Variants in SPATA13 observed in about 807,000 individuals in gnomAD.
The protein encoded by SPATA13 is spermatogenesis-associated protein 13.
Under a neutral mutation model 104.0 loss-of-function variants are expected in SPATA13, and 50 were observed. The ratio of observed to expected loss-of-function variants is 0.48; its 90% confidence interval spans 0.38 to 0.61. The LOEUF is 0.61. Among genes scored for constraint, SPATA13 ranks in the 20% least tolerant of loss-of-function variants. The probability of loss-of-function intolerance (pLI) is 0.00; values close to 1 mark genes in which losing one functional copy is unlikely to be tolerated. For missense variants in SPATA13, 1,524 were observed against 1,690.6 expected (o/e 0.90, Z 1.73); for synonymous variants, 606 against 667.5 (o/e 0.91, Z 1.42).
chr13:24,055,499 T>A (rs1044166404), intron 3 of SPATA13, among the ~76,000 whole-genome samples: 31 of 152,332 alleles, frequency 2.0e-4, no homozygotes, highest in African/African-American at 7.2e-4. Context: ...TGCAGAGGTC[T>A]TAGAACAGTG....
At chr13:24,091,382 A>C (rs1879906812) in intron 3 of SPATA13, among the ~76,000 whole-genome samples, 1 of 152,244 alleles carries the variant, frequency 6.6e-6, no homozygotes, top group South Asian at 2.1e-4. Flanking sequence ...TGTTAGCCCC[A>C]TCTGGTATCA....
chr13:24,046,431 C>T (rs949642455), intron 3 of SPATA13, among the ~76,000 whole-genome samples: 2 of 151,500 alleles, frequency 1.3e-5, no homozygotes, highest in Non-Finnish European at 2.9e-5. Context: ...GTAGCTAGGA[C>T]ACACTGCCAC....
intron 3 of SPATA13, among the ~76,000 whole-genome samples, chr13:24,150,524 G>A (rs1882067575): frequency 6.6e-6 from 1 of 152,194 alleles, no homozygotes; most frequent in Non-Finnish European, 1.5e-5. Context: ...AAACCTATAG[G>A]AAGTATAGAG....
At chr13:24,174,550 T>C (rs1364988448) in intron 1 of SPATA13, among the ~76,000 whole-genome samples, 1 of 152,082 alleles carries the variant, frequency 6.6e-6, no homozygotes, top group Non-Finnish European at 1.5e-5. Flanking sequence ...GTTAAATATA[T>C]GATTAAAAAT....
At chr13:24,220,171 C>T (rs536597220) in intron 1 of SPATA13, among the ~76,000 whole-genome samples, 1 of 152,288 alleles carries the variant, frequency 6.6e-6, no homozygotes, top group East Asian at 1.9e-4. Context: ...GGTACCTCTT[C>T]CTCTGTAGAC....
At chr13:24,066,652 C>A (rs1878974682) in intron 3 of SPATA13, among the ~76,000 whole-genome samples, 1 of 152,198 alleles carries the variant, frequency 6.6e-6, no homozygotes, top group Non-Finnish European at 1.5e-5. Context: ...CCCCTGCCTT[C>A]ATGGGCCAGG....
rs773814792 is a variant in SPATA13, at chr13:24,224,019, C to T, written c.1090C>T (p.Arg364Cys). The T allele has an allele frequency of 1.7e-5, 26 of 1,548,788 alleles. No individual in the cohort carries two copies. Among genetic ancestry groups the T allele is most frequent in the African/African-American group, 9.6e-5 (7 of 72,996 alleles). ...HSRLHDDYSR[R>C]VSRSTEQDSR... is the part of the protein sequence containing the mutation. ...CCGGCTGCATGACGACTACTCCCGCCGCGTCTCCAGGAGCACTGAGCAGGA... is the reference window on the plus strand; with the variant it reads ...CCGGCTGCATGACGACTACTCCCGCTGCGTCTCCAGGAGCACTGAGCAGGA... The change falls in exon 2 of 13, where the codon CGC becomes TGC. Residue 364 changes from arginine to cysteine, a missense_variant. Coordinates refer to ENST00000382108, the MANE Select transcript of SPATA13 (RefSeq NM_001166271.3).
chr13:24,301,863 G>A (rs1237680813), intron 12 of SPATA13, among the ~76,000 whole-genome samples: 1 of 152,180 alleles, frequency 6.6e-6, no homozygotes, highest in Non-Finnish European at 1.5e-5. Flanking sequence ...GATATTGAGG[G>A]CACAGTTCTA....
At chr13:24,180,758 A>T (rs1309638289) in intron 1 of SPATA13, among the ~76,000 whole-genome samples, 1 of 152,198 alleles carries the variant, frequency 6.6e-6, no homozygotes, top group Non-Finnish European at 1.5e-5. Flanking sequence ...GATAGTTTTC[A>T]TAATTTTTTT....
chr13:24,296,131 G>C (rs1044549665), intron 10 of SPATA13, among the ~76,000 whole-genome samples: 2 of 152,202 alleles, frequency 1.3e-5, no homozygotes, highest in Non-Finnish European at 2.9e-5. Flanking sequence ...ACTGAAATAG[G>C]CTATAGGTGG....
chr13:24,101,303 C>T (rs530417618), intron 3 of SPATA13, among the ~76,000 whole-genome samples: 8 of 152,254 alleles, frequency 5.3e-5, no homozygotes, highest in African/African-American at 1.9e-4. Context: ...CATGAACATT[C>T]GCTATGTTGG....
chr13:24,035,485 T>C (rs1282563577), intron 3 of SPATA13, among the ~76,000 whole-genome samples: 1 of 152,202 alleles, frequency 6.6e-6, no homozygotes, highest in Non-Finnish European at 1.5e-5. Flanking sequence ...TGGTTGAGCT[T>C]TGGCCATGGA....
At chr13:24,039,148 C>G (rs1877822931) in intron 3 of SPATA13, among the ~76,000 whole-genome samples, 1 of 152,260 alleles carries the variant, frequency 6.6e-6, no homozygotes. Context: ...CTTCTCTGCT[C>G]TGTGCACACA....
chr13:24,136,765 A>G (rs1167864135), intron 3 of SPATA13, among the ~76,000 whole-genome samples: 2 of 152,222 alleles, frequency 1.3e-5, no homozygotes, highest in African/African-American at 4.8e-5. Flanking sequence ...GAATGGATAA[A>G]TGGATTTGGA....
At chr13:23,980,403 C>T (rs1874829897) in intron 1 of SPATA13, among the ~76,000 whole-genome samples, 2 of 152,194 alleles carry the variant, frequency 1.3e-5, no homozygotes, top group African/African-American at 4.8e-5. Flanking sequence ...CTGCGTGAGC[C>T]CCCACTCTGA....
chr13:24,037,644 G>A (rs930290381), intron 3 of SPATA13, among the ~76,000 whole-genome samples: 4 of 151,870 alleles, frequency 2.6e-5, no homozygotes, highest in Non-Finnish European at 2.9e-5. Context: ...TCCTGACCTC[G>A]TGATCCACCT....
At chr13:24,016,404 CA>C (rs1458490992) in intron 2 of SPATA13, among the ~76,000 whole-genome samples, 3 of 152,238 alleles carry the variant, frequency 2.0e-5, no homozygotes, top group East Asian at 1.9e-4. Context: ...GATGTCACAT[CA>C]GTTTTCTTTA....
At chr13:24,129,470 T>C (rs1240959671) in intron 3 of SPATA13, among the ~76,000 whole-genome samples, 1 of 152,160 alleles carries the variant, frequency 6.6e-6, no homozygotes, top group Non-Finnish European at 1.5e-5. Context: ...CCCTCAACCT[T>C]CTGGAGTTAG....
chr13:24,072,825 CTTTTTT>C (rs11353469), intron 3 of SPATA13, among the ~76,000 whole-genome samples: 1 of 120,672 alleles, frequency 8.3e-6, no homozygotes, highest in Non-Finnish European at 1.7e-5. Context: ...CTGTTGGCTC[CTTTTTT>C]TTTTTTTTTT....
Sources: allele counts gnomAD v4.1 joint callset (sites outside exome capture counted in the v4.1 genomes callset), GRCh38; gene constraint gnomAD v4.1.1; transcripts MANE v1.5; gene names NCBI Gene and HGNC (gene_info 2026-07-23, HGNC 2026-07-21).